OPCML: variants seen among roughly 807,000 people sequenced by gnomAD.
OPCML encodes the protein opioid-binding protein/cell adhesion molecule.
In OPCML, 13 loss-of-function variants were observed where a neutral mutation model predicts 37.8. The ratio of observed to expected loss-of-function variants is 0.34; its 90% confidence interval spans 0.22 to 0.55. The LOEUF (loss-of-function observed/expected upper bound fraction) is 0.55. Ranked by LOEUF, OPCML falls within the 20% of genes least tolerant of loss-of-function variation. OPCML has a pLI of 0.91. For missense variants in OPCML, 341 were observed against 435.6 expected (o/e 0.78, Z 1.93); for synonymous variants, 176 against 168.8 (o/e 1.04, Z -0.33).
At chr11:133,138,089 AT>A (rs1949718011) in intron 1 of OPCML, among the ~76,000 whole-genome samples, 2 of 152,120 alleles carry the variant, frequency 1.3e-5, no homozygotes, top group African/African-American at 4.8e-5. Flanking sequence ...TTCCTCATGA[AT>A]AGATTAATGC....
chr11:132,946,181 C>G (rs1417291366), intron 1 of OPCML, among the ~76,000 whole-genome samples: 1 of 152,162 alleles, frequency 6.6e-6, no homozygotes, highest in Non-Finnish European at 1.5e-5. Context: ...TCTTCTGCCT[C>G]CACATTTCCT....
intron 3 of OPCML, among the ~76,000 whole-genome samples, chr11:132,570,755 G>GTGTATATATA (rs1555156145): frequency 3.3e-5 from 1 of 30,114 alleles, no homozygotes; most frequent in South Asian, 1.6e-3. Flanking sequence ...AGGAAAGAGA[G>GTGTATATATA]TATATATATA....
rs147685005 is a variant in OPCML, at chr11:133,272,582, G to T, written c.61+259682C>A. Among the ~76,000 whole-genome samples the T allele has an allele frequency of 1.5e-3, 223 of 152,280 alleles. 5 individuals carry two copies. The highest frequency in any genetic ancestry group is 0.01 in the Middle Eastern group (3 of 294). On this transcript the variant is annotated intron_variant, in intron 1 of 7. Coordinates refer to ENST00000524381, the MANE Select transcript of OPCML (RefSeq NM_001012393.5). ...AGCCATGCTCCTTCCCCTCTGGGCC[G>T]GCCCGGGGACGCTCGGGGCAGGGTA...
At chr11:132,671,731 C>T (rs75075504) in intron 2 of OPCML, among the ~76,000 whole-genome samples, 3,008 of 151,622 alleles carry the variant, frequency 0.02, 101 homozygotes, top group African/African-American at 0.069. Flanking sequence ...GAAGCTCTGG[C>T]ATGAAAACCC....
At chr11:133,516,548 G>T (rs1401523623) in intron 1 of OPCML, among the ~76,000 whole-genome samples, 2 of 152,190 alleles carry the variant, frequency 1.3e-5, no homozygotes, top group Non-Finnish European at 2.9e-5. Context: ...CTCCATGAAT[G>T]AGTTTTAATA....
chr11:132,801,267 G>C (rs186152853), intron 2 of OPCML, among the ~76,000 whole-genome samples: 1 of 152,180 alleles, frequency 6.6e-6, no homozygotes, highest in African/African-American at 2.4e-5. Flanking sequence ...TTGGTAATTT[G>C]AGTCTTCTCT....
chr11:132,531,109 A>G (rs2096323830), intron 3 of OPCML, among the ~76,000 whole-genome samples: 1 of 152,200 alleles, frequency 6.6e-6, no homozygotes, highest in African/African-American at 2.4e-5. Flanking sequence ...GCTGGAGGGC[A>G]AGTGTGGAAT....
intron 2 of OPCML, among the ~76,000 whole-genome samples, chr11:132,796,565 C>CTTTTT (rs71067396): frequency 2.1e-4 from 19 of 88,582 alleles, no homozygotes; most frequent in Non-Finnish European, 2.7e-4. Context: ...TTTCTTCTTT[C>CTTTTT]TTTTTTTTTT....
chr11:133,011,485 A>T (rs1288038008), intron 1 of OPCML, among the ~76,000 whole-genome samples: 1 of 152,186 alleles, frequency 6.6e-6, no homozygotes, highest in Admixed American at 6.5e-5. Context: ...AGATTCCATG[A>T]TTTTACCCAG....
At chr11:132,431,803 G>C (rs1354339000) in intron 7 of OPCML, among the ~76,000 whole-genome samples, 3 of 152,226 alleles carry the variant, frequency 2.0e-5, no homozygotes, top group African/African-American at 7.2e-5. Context: ...CAGAGTCAAA[G>C]AGGGCTCTCA....
chr11:132,894,782 G>C (rs139203629), intron 2 of OPCML, among the ~76,000 whole-genome samples: 2 of 152,086 alleles, frequency 1.3e-5, no homozygotes, highest in Non-Finnish European at 2.9e-5. Flanking sequence ...CTCCAGGCTC[G>C]CTGGCCTTTG....
chr11:132,794,656 G>T (rs369108117), intron 2 of OPCML, among the ~76,000 whole-genome samples: 11 of 152,084 alleles, frequency 7.2e-5, no homozygotes, highest in African/African-American at 2.7e-4. Context: ...ACACATCCAG[G>T]CTCTTCCCAG....
chr11:132,568,741 C>T (rs572671373), intron 3 of OPCML, among the ~76,000 whole-genome samples: 1 of 152,290 alleles, frequency 6.6e-6, no homozygotes, highest in Admixed American at 6.5e-5. Context: ...GAATACATTT[C>T]CGTTATTTTA....
intron 3 of OPCML, among the ~76,000 whole-genome samples, chr11:132,542,549 G>C (rs2096359352): frequency 6.6e-6 from 1 of 152,080 alleles, no homozygotes. Context: ...AGCCTCCTTG[G>C]TTTGCTCCAT....
chr11:133,136,845 G>GTA (rs1282201048), intron 1 of OPCML, among the ~76,000 whole-genome samples: 1 of 139,734 alleles, frequency 7.2e-6, no homozygotes, highest in Non-Finnish European at 1.5e-5. Context: ...GTGTGTGTGT[G>GTA]TGTGTGTGTG....
At chr11:133,439,016 T>G (rs1315888174) in intron 1 of OPCML, among the ~76,000 whole-genome samples, 4 of 152,144 alleles carry the variant, frequency 2.6e-5, no homozygotes, top group Admixed American at 2.6e-4. Context: ...CTGAGTTCTA[T>G]TCTGTATAAT....
chr11:133,254,615 G>A (rs748216050), intron 1 of OPCML, among the ~76,000 whole-genome samples: 1 of 152,230 alleles, frequency 6.6e-6, no homozygotes, highest in Non-Finnish European at 1.5e-5. Flanking sequence ...AGACTGGGAG[G>A]AGGAGATGGC....
chr11:133,187,508 C>T (rs1337630022), intron 1 of OPCML, among the ~76,000 whole-genome samples: 1 of 152,150 alleles, frequency 6.6e-6, no homozygotes, highest in Non-Finnish European at 1.5e-5. Flanking sequence ...CTTCTTTTCG[C>T]ATGGTCTGTT....
intron 1 of OPCML, among the ~76,000 whole-genome samples, chr11:133,349,489 G>T (rs955978658): frequency 3.3e-5 from 5 of 152,122 alleles, no homozygotes; most frequent in Non-Finnish European, 5.9e-5. Context: ...ATCATCACAG[G>T]CTGCACTCAG....
Sources: gnomAD v4.1 joint callset for allele counts (sites outside exome capture counted in the v4.1 genomes callset) on GRCh38, gnomAD v4.1.1 for gene constraint, MANE v1.5 for transcripts, NCBI Gene and HGNC (gene_info 2026-07-23, HGNC 2026-07-21) for gene names.